NADSYN1: variants seen among roughly 807,000 people sequenced by gnomAD.
The protein encoded by NADSYN1 is glutamine-dependent NAD(+) synthetase.
NADSYN1 carries 80 observed loss-of-function variants against 99.3 expected under a neutral mutation model. That is an observed-to-expected ratio of 0.81 (90% CI 0.67 to 0.97). The LOEUF (loss-of-function observed/expected upper bound fraction) is 0.97, where lower values mean the gene tolerates loss of function less well. Among genes scored for constraint, NADSYN1 ranks in the 50% least tolerant of loss-of-function variants. NADSYN1 has a pLI of 0.00. For missense variants in NADSYN1, 859 were observed against 948.5 expected (o/e 0.91, Z 1.24); for synonymous variants, 385 against 372.1 (o/e 1.03, Z -0.40).
intron 5 of NADSYN1, among the ~76,000 whole-genome samples, chr11:71,466,293 A>T (rs569142673): frequency 6.6e-6 from 1 of 152,080 alleles, no homozygotes; most frequent in Non-Finnish European, 1.5e-5. Flanking sequence ...AGCCACTTGG[A>T]CTTTCACTTA....
intron 18 of NADSYN1, among the ~76,000 whole-genome samples, chr11:71,492,907 G>A (rs78019377): frequency 7.2e-6 from 1 of 139,174 alleles, no homozygotes; most frequent in Admixed American, 7.3e-5. Flanking sequence ...TTTTTTTTTA[G>A]ACAATGTCTC....
At chr11:71,487,613 CA>C (rs1250765201) in intron 16 of NADSYN1, among the ~76,000 whole-genome samples, 1 of 151,970 alleles carries the variant, frequency 6.6e-6, no homozygotes, top group Non-Finnish European at 1.5e-5. Flanking sequence ...AGGCAGATCA[CA>C]AGGTCAGGAG....
rs770298322 is a variant in NADSYN1, at chr11:71,497,471, T to C, written c.1765-12T>C. On this transcript the variant is annotated splice_polypyrimidine_tract_variant and intron_variant, in intron 18 of 20. Transcript: ENST00000319023. Reference sequence around the variant, plus strand: ...TTGCTGTCATCATGGAACAGATTTTTGTTGTGCACAGGAAGATATGGGGAT... The same window carrying C: ...TTGCTGTCATCATGGAACAGATTTTCGTTGTGCACAGGAAGATATGGGGAT... The C allele has an allele frequency of 3.7e-6, 6 of 1,613,972 alleles. No individual in the cohort carries two copies. The highest frequency in any genetic ancestry group is 4.2e-6 in the Non-Finnish European group (5 of 1,179,980).
At chr11:71,489,351 C>G (rs561825466) in intron 16 of NADSYN1, among the ~76,000 whole-genome samples, 2 of 152,242 alleles carry the variant, frequency 1.3e-5, no homozygotes, top group South Asian at 4.2e-4. Flanking sequence ...TCAATTTTCC[C>G]CCTATAACCG....
At chr11:71,476,278 A>G in intron 9 of NADSYN1, 3 of 358,378 alleles carry the variant, frequency 8.4e-6, no homozygotes, top group Non-Finnish European at 1.7e-5. Flanking sequence ...CAGCGGATTC[A>G]CCGAGGCAGG....
At chr11:71,462,052 TAAAATTCTA>T (rs1341375093) in intron 3 of NADSYN1, among the ~76,000 whole-genome samples, 21 of 152,170 alleles carry the variant, frequency 1.4e-4, no homozygotes, top group African/African-American at 4.6e-4. Flanking sequence ...CAACCAGAAA[TAAAATTCTA>T]AGGCCCTCCC....
intron 9 of NADSYN1, chr11:71,477,399 G>A (rs777388824): frequency 7.8e-6 from 10 of 1,289,824 alleles, no homozygotes; most frequent in South Asian, 4.9e-5. Context: ...CACAGGATGC[G>A]TGAATCGGTC....
At position 71,464,057 on chromosome 11, in the gene NADSYN1, A is replaced by T. The variant is rs1480973765; in HGVS notation, c.322A>T (p.Ile108Phe). Residue 108 changes from isoleucine to phenylalanine, a missense_variant, in exon 5 of 21, where the codon ATC becomes TTC. By Grantham distance (21) the Ile-to-Phe change is conservative (BLOSUM62 0). Coordinates refer to ENST00000319023, the MANE Select transcript of NADSYN1 (RefSeq NM_018161.5). Reference sequence around the variant, plus strand: ...GCCCTGTTCCCCTGTCTGCAGGAAGATCCTGCTCATCAGACCCAAGATGGC... The same window carrying T: ...GCCCTGTTCCCCTGTCTGCAGGAAGTTCCTGCTCATCAGACCCAAGATGGC... ...NCRVIFLNRK[I>F]LLIRPKMALA... The T allele has an allele frequency of 1.2e-6, 2 of 1,610,634 alleles. No individual in the cohort carries two copies. The highest frequency in any genetic ancestry group is 8.5e-7 in the Non-Finnish European group (1 of 1,178,418).
At chr11:71,463,019 G>T (rs907493927) in intron 3 of NADSYN1, among the ~76,000 whole-genome samples, 2 of 152,190 alleles carry the variant, frequency 1.3e-5, no homozygotes, top group Non-Finnish European at 2.9e-5. Flanking sequence ...GCAAATGGAG[G>T]GGTTCCACCT....
chr11:71,477,483 T>C, intron 9 of NADSYN1: 1 of 1,278,526 alleles, frequency 7.8e-7, no homozygotes, highest in Middle Eastern at 2.1e-4. Flanking sequence ...GCGCGCAAGG[T>C]GGCCACGGCC....
rs140059671 is a variant in NADSYN1 at position 71,490,883 on chromosome 11, C to T, written c.1601C>T (p.Ala534Val). The T allele has an allele frequency of 9.9e-6, 16 of 1,614,190 alleles. No individual in the cohort carries two copies. Among genetic ancestry groups the T allele is most frequent in the Admixed American group, 1.7e-5 (1 of 60,028 alleles). ...GYLTKYDCSS[A>V]DINPIGGISK... The stretch of plus-strand genomic sequence containing the variant: ...CTGACCAAGTACGACTGCTCCAGTG[C>T]GGACATCAACCCCATAGGCGGGATC... The change falls in exon 17 of 21, where the codon GCG (alanine) becomes GTG (valine). Residue 534 changes from alanine (A) to valine (V), a missense_variant. Ala to Val is a moderately conservative substitution (Grantham distance 64). Coordinates refer to ENST00000319023, the MANE Select transcript of NADSYN1 (RefSeq NM_018161.5).
chr11:71,498,191 C>A (rs1949833177), intron 19 of NADSYN1, among the ~76,000 whole-genome samples, 161 bp from the exon 20 acceptor site: 1 of 152,228 alleles, frequency 6.6e-6, no homozygotes, highest in African/African-American at 2.4e-5. Flanking sequence ...CGGCCAGTGT[C>A]CCCGGCCTGA....
chr11:71,453,861 G>T (rs1291371223), intron 1 of NADSYN1, among the ~76,000 whole-genome samples: 2 of 152,146 alleles, frequency 1.3e-5, no homozygotes, highest in African/African-American at 4.8e-5. Context: ...CAGCATTTTG[G>T]GGGGGCCGGA....
intron 3 of NADSYN1, among the ~76,000 whole-genome samples, chr11:71,462,415 T>C (rs746956414): frequency 6.6e-6 from 1 of 152,226 alleles, no homozygotes; most frequent in Non-Finnish European, 1.5e-5. Context: ...ACCTATGGCC[T>C]GGAAGCCCGT....
At chr11:71,463,582 G>T in intron 4 of NADSYN1, 97 bp downstream of exon 4, 1 of 1,202,630 alleles carries the variant, frequency 8.3e-7, no homozygotes, top group East Asian at 2.5e-5. Context: ...CTGGGGACCC[G>T]TTGCTGGGAG....
chr11:71,497,041 G>C (rs996530195), intron 18 of NADSYN1: 52 of 209,410 alleles, frequency 2.5e-4, no homozygotes, highest in Non-Finnish European at 4.6e-4. Flanking sequence ...ACCACACCCA[G>C]CTAGTTTGTT....
intron 18 of NADSYN1, among the ~76,000 whole-genome samples, chr11:71,493,047 C>T (rs1347475358): frequency 6.6e-6 from 1 of 152,014 alleles, no homozygotes; most frequent in Non-Finnish European, 1.5e-5. Context: ...ATCACCATGT[C>T]TCGCTAAGTT....
At position 71,458,558 on chromosome 11, in the gene NADSYN1, TGA is replaced by T. The variant is rs765634553; in HGVS notation, c.263+16_263+17del. Reference sequence around the variant, plus strand: ...CGACGTGGGGATGTAAGTGCCAGTGTGAGTGTGGAAGGGCAAACCTGGGACAA... The same window carrying T: ...CGACGTGGGGATGTAAGTGCCAGTGTGTGTGGAAGGGCAAACCTGGGACAA... On this transcript the variant is annotated intron_variant, in intron 3 of 20. Transcript: ENST00000319023. 1 of 1,583,266 alleles carries T rather than the reference TGA, an allele frequency of 6.3e-7. No individual in the cohort carries two copies. Among genetic ancestry groups the T allele is most frequent in the East Asian group, 2.2e-5 (1 of 44,768 alleles).
intron 13 of NADSYN1, 40 bp downstream of exon 13, chr11:71,482,065 C>T (rs1168463244): frequency 8.3e-6 from 13 of 1,566,344 alleles, no homozygotes; most frequent in Non-Finnish European, 1.1e-5. Context: ...CTCCAGGGTC[C>T]AGCCCTTGGG....
Sources: gnomAD v4.1 joint callset for allele counts (sites outside exome capture counted in the v4.1 genomes callset) on GRCh38, gnomAD v4.1.1 for gene constraint, MANE v1.5 for transcripts, NCBI Gene and HGNC (gene_info 2026-07-23, HGNC 2026-07-21) for gene names.